Variants in ERBB4 observed in about 807,000 individuals in gnomAD.
ERBB4 encodes receptor tyrosine-protein kinase erbB-4.
Under a neutral mutation model 158.0 loss-of-function variants are expected in ERBB4, and 42 were observed. The observed-to-expected ratio is 0.27, with a 90% CI of 0.21 to 0.34. ERBB4 has a LOEUF of 0.34. Ranked by LOEUF, ERBB4 falls within the 10% of genes least tolerant of loss-of-function variation. ERBB4 has a pLI of 1.00. For missense variants in ERBB4, 1,333 were observed against 1,624.1 expected (o/e 0.82, Z 3.08); for synonymous variants, 583 against 558.7 (o/e 1.04, Z -0.61).
At chr2:212,340,937 G>T (rs1574721581) in intron 1 of ERBB4, among the ~76,000 whole-genome samples, 1 of 152,004 alleles carries the variant, frequency 6.6e-6, no homozygotes, top group African/African-American at 2.4e-5. Flanking sequence ...AATCACAATT[G>T]ATTTAACTCA....
chr2:212,075,459 C>T (rs1485548467), intron 2 of ERBB4, among the ~76,000 whole-genome samples: 2 of 151,822 alleles, frequency 1.3e-5, no homozygotes, highest in Non-Finnish European at 2.9e-5. Context: ...CAGCATTTCT[C>T]GGAATGGCTG....
At chr2:212,456,758 T>C (rs907792290) in intron 1 of ERBB4, among the ~76,000 whole-genome samples, 3 of 151,950 alleles carry the variant, frequency 2.0e-5, no homozygotes, top group African/African-American at 7.2e-5. Flanking sequence ...TATATAAAAA[T>C]ATATAAAAAC....
At chr2:211,690,320 C>G (rs1034299373) in intron 12 of ERBB4, among the ~76,000 whole-genome samples, 2 of 152,054 alleles carry the variant, frequency 1.3e-5, no homozygotes, top group Non-Finnish European at 1.5e-5. Flanking sequence ...TTCCCCTTAC[C>G]TCTGCTAAAG....
chr2:211,701,474 C>T (rs1220091159), intron 12 of ERBB4, among the ~76,000 whole-genome samples: 2 of 151,958 alleles, frequency 1.3e-5, no homozygotes, highest in African/African-American at 2.4e-5. Flanking sequence ...TCAGGCAAGA[C>T]GGCCGGGCGC....
chr2:212,088,483 G>A (rs539122838), intron 2 of ERBB4, among the ~76,000 whole-genome samples: 9 of 152,134 alleles, frequency 5.9e-5, no homozygotes, highest in Admixed American at 2.6e-4. Flanking sequence ...ATCACTAAAT[G>A]AAGAAAGACA....
rs1222012504 is a variant in ERBB4, at chr2:211,513,368, AAAAAAAAAC to A, written c.2487+48526_2487+48534del. ...GCGAGACTCCGTCTCAAAAAAAAAA[AAAAAAAAAC>A]AAAAAAAAAACACTGATCCTAGAAG... On this transcript the variant is annotated intron_variant, in intron 20 of 27. Coordinates refer to ENST00000342788, the MANE Select transcript of ERBB4 (RefSeq NM_005235.3). Among the ~76,000 whole-genome samples, 109 of 136,736 alleles carry A rather than the reference AAAAAAAAAC, an allele frequency of 8.0e-4. 1 individual carries two copies. The highest frequency in any genetic ancestry group is 2.3e-3 in the African/African-American group (74 of 32,036). 89.7% of individuals were successfully genotyped at this position (136,736 alleles called of 152,430 possible).
At chr2:212,190,550 A>AAG (rs1553587260) in intron 1 of ERBB4, among the ~76,000 whole-genome samples, 2 of 147,010 alleles carry the variant, frequency 1.4e-5, no homozygotes, top group African/African-American at 2.5e-5. Context: ...AAAAAAAAAA[A>AAG]AAGAAGAAGA....
intron 1 of ERBB4, among the ~76,000 whole-genome samples, chr2:212,221,478 G>C (rs76352270): frequency 3.3e-5 from 5 of 151,546 alleles, no homozygotes; most frequent in African/African-American, 1.2e-4. Flanking sequence ...TCAGGTTTGG[G>C]AATACAGACA....
At chr2:211,836,368 T>C (rs146690097) in intron 3 of ERBB4, among the ~76,000 whole-genome samples, 158 of 152,214 alleles carry the variant, frequency 1.0e-3, no homozygotes, top group Non-Finnish European at 1.7e-3. Flanking sequence ...AACTTACTTA[T>C]ACCCACTTCC....
At chr2:211,925,523 A>G (rs2079995064) in intron 3 of ERBB4, among the ~76,000 whole-genome samples, 1 of 151,046 alleles carries the variant, frequency 6.6e-6, no homozygotes, top group Non-Finnish European at 1.5e-5. Flanking sequence ...CTGGGATTAC[A>G]GGCACCCGCC....
chr2:211,491,931 A>AT (rs1273991960), intron 20 of ERBB4, among the ~76,000 whole-genome samples: 1 of 151,952 alleles, frequency 6.6e-6, no homozygotes, highest in Non-Finnish European at 1.5e-5. Flanking sequence ...ACTACAGACT[A>AT]TTTTTTACAA....
At chr2:212,480,593 T>C (rs926776182) in intron 1 of ERBB4, among the ~76,000 whole-genome samples, 2 of 152,232 alleles carry the variant, frequency 1.3e-5, no homozygotes, top group African/African-American at 4.8e-5. Flanking sequence ...AGCATGTAAG[T>C]ATCATGTCTG....
At chr2:212,217,880 A>G (rs1475382604) in intron 1 of ERBB4, among the ~76,000 whole-genome samples, 4 of 151,378 alleles carry the variant, frequency 2.6e-5, no homozygotes, top group African/African-American at 4.8e-5. Context: ...GTCTTAGAAC[A>G]TAATAAATGC....
intron 25 of ERBB4, among the ~76,000 whole-genome samples, chr2:211,406,241 A>T (rs1327740039): frequency 6.6e-6 from 1 of 152,186 alleles, no homozygotes; most frequent in East Asian, 1.9e-4. Flanking sequence ...TTCTTCCACA[A>T]ATAAGAGGGC....
chr2:211,511,975 C>G (rs1473440722), intron 20 of ERBB4, among the ~76,000 whole-genome samples: 2 of 151,958 alleles, frequency 1.3e-5, no homozygotes, highest in East Asian at 3.9e-4. Context: ...ACATTGTATA[C>G]CAGAGGGTAC....
chr2:212,298,386 G>A (rs539995425), intron 1 of ERBB4, among the ~76,000 whole-genome samples: 1 of 151,750 alleles, frequency 6.6e-6, no homozygotes, highest in East Asian at 2.0e-4. Context: ...TAACTTTGCT[G>A]TTAGGAATTA....
intron 1 of ERBB4, among the ~76,000 whole-genome samples, chr2:212,370,198 T>C (rs896741208): frequency 4.6e-5 from 7 of 152,122 alleles, no homozygotes; most frequent in African/African-American, 1.7e-4. Context: ...CTCATGGCTA[T>C]ATAAGGGGCT....
chr2:212,441,603 G>A (rs1430442246), intron 1 of ERBB4, among the ~76,000 whole-genome samples: 2 of 152,132 alleles, frequency 1.3e-5, no homozygotes, highest in Non-Finnish European at 2.9e-5. Flanking sequence ...GGATAATGAT[G>A]GAAGGAACAT....
intron 2 of ERBB4, among the ~76,000 whole-genome samples, chr2:211,952,632 C>T (rs1276437682): frequency 1.3e-5 from 2 of 152,090 alleles, no homozygotes; most frequent in Non-Finnish European, 2.9e-5. Flanking sequence ...CAAAGTTGGA[C>T]TCCAAACCTA....
Sources: allele counts gnomAD v4.1 joint callset (sites outside exome capture counted in the v4.1 genomes callset), GRCh38; gene constraint gnomAD v4.1.1; transcripts MANE v1.5; gene names NCBI Gene and HGNC (gene_info 2026-07-23, HGNC 2026-07-21).